Variants in MGAT4C observed in about 807,000 individuals in gnomAD.
The protein encoded by MGAT4C is MGAT4 family member C.
Under a neutral mutation model 40.1 loss-of-function variants are expected in MGAT4C, and 19 were observed. The ratio of observed to expected loss-of-function variants is 0.47; its 90% CI spans 0.33 to 0.70. The LOEUF is 0.70. Among genes scored for constraint, MGAT4C ranks in the 30% least tolerant of loss-of-function variants. The pLI, the probability that MGAT4C is intolerant of heterozygous loss-of-function variation, is 0.02. For synonymous variants in MGAT4C, 181 were observed against 187.1 expected (o/e 0.97, Z 0.27); for missense variants, 491 against 563.2 (o/e 0.87, Z 1.30).
chr12:86,042,897 A>G (rs1892014148), intron 2 of MGAT4C, among the ~76,000 whole-genome samples: 1 of 150,650 alleles, frequency 6.6e-6, no homozygotes, highest in Admixed American at 6.6e-5. Flanking sequence ...AAGAATGCTG[A>G]ATATAGGCCC....
chr12:86,379,672 A>C (rs544468540), intron 3 of MGAT4C, among the ~76,000 whole-genome samples: 31 of 152,254 alleles, frequency 2.0e-4, no homozygotes, highest in Non-Finnish European at 3.8e-4. Context: ...TCTATATAAA[A>C]CAATACTTTT....
intron 1 of MGAT4C, among the ~76,000 whole-genome samples, chr12:86,136,709 A>C (rs1232165642): frequency 3.3e-5 from 5 of 151,364 alleles, no homozygotes; most frequent in Non-Finnish European, 7.4e-5. Flanking sequence ...TTTTTTTGAG[A>C]TGGAGTTTTG....
chr12:86,487,746 C>A (rs1369499567), intron 2 of MGAT4C, among the ~76,000 whole-genome samples: 1 of 152,118 alleles, frequency 6.6e-6, no homozygotes, highest in Non-Finnish European at 1.5e-5. Flanking sequence ...CAATTTTATT[C>A]TAAATACTAT....
At chr12:86,601,759 G>C (rs1359546847) in intron 2 of MGAT4C, among the ~76,000 whole-genome samples, 1 of 152,128 alleles carries the variant, frequency 6.6e-6, no homozygotes, top group East Asian at 1.9e-4. Context: ...TGGTGGGGCC[G>C]GAGCGGGGCA....
chr12:86,376,812 G>GAC, intron 3 of MGAT4C, among the ~76,000 whole-genome samples: 1 of 75,684 alleles, frequency 1.3e-5, no homozygotes. Flanking sequence ...GACAGAGAGA[G>GAC]AGAGACAGAG....
intron 3 of MGAT4C, among the ~76,000 whole-genome samples, chr12:86,420,778 T>G (rs1312022279): frequency 1.4e-5 from 2 of 147,514 alleles, no homozygotes; most frequent in Non-Finnish European, 3.0e-5. Context: ...TTACCTGACA[T>G]ATATATATAT....
chr12:86,685,761 G>T (rs370070858), intron 2 of MGAT4C, among the ~76,000 whole-genome samples: 2 of 152,080 alleles, frequency 1.3e-5, no homozygotes, highest in South Asian at 4.1e-4. Context: ...CTTGTAAGTT[G>T]TATTCTTAGG....
At chr12:86,132,050 C>A (rs1881262923) in intron 1 of MGAT4C, among the ~76,000 whole-genome samples, 1 of 152,090 alleles carries the variant, frequency 6.6e-6, no homozygotes, top group African/African-American at 2.4e-5. Flanking sequence ...TTTAGTCTCT[C>A]TCTGGACAGC....
chr12:86,675,036 TA>T (rs569957489), intron 2 of MGAT4C, among the ~76,000 whole-genome samples: 5 of 152,308 alleles, frequency 3.3e-5, no homozygotes, highest in African/African-American at 7.2e-5. Flanking sequence ...TTTTTGTCCT[TA>T]AGTGAGAAAA....
intron 2 of MGAT4C, among the ~76,000 whole-genome samples, chr12:86,573,550 C>T (rs532510315): frequency 6.6e-6 from 1 of 151,968 alleles, no homozygotes; most frequent in African/African-American, 2.4e-5. Context: ...TTTTATTGTA[C>T]GTGTAGAACT....
At chr12:86,170,791 A>G (rs1214582901) in intron 1 of MGAT4C, among the ~76,000 whole-genome samples, 1 of 151,976 alleles carries the variant, frequency 6.6e-6, no homozygotes, top group Non-Finnish European at 1.5e-5. Flanking sequence ...CATCTCTACA[A>G]AAAATGGAAA....
chr12:86,368,146 A>C (rs1018771198), intron 3 of MGAT4C, among the ~76,000 whole-genome samples: 2 of 152,182 alleles, frequency 1.3e-5, no homozygotes, highest in African/African-American at 4.8e-5. Flanking sequence ...AAAATACTTA[A>C]AATATCTGGA....
chr12:86,466,902 T>A (rs1592882667), intron 2 of MGAT4C, among the ~76,000 whole-genome samples: 1 of 152,190 alleles, frequency 6.6e-6, no homozygotes. Flanking sequence ...ATCACATAAT[T>A]TCTATAAATT....
At chr12:86,499,228 T>C (rs945800876) in intron 2 of MGAT4C, among the ~76,000 whole-genome samples, 2 of 151,806 alleles carry the variant, frequency 1.3e-5, no homozygotes, top group Non-Finnish European at 2.9e-5. Flanking sequence ...TTTTGGACTG[T>C]ACAGAAGTTG....
intron 1 of MGAT4C, among the ~76,000 whole-genome samples, chr12:86,175,612 C>T (rs2135846668): frequency 6.6e-6 from 1 of 152,120 alleles, no homozygotes; most frequent in East Asian, 1.9e-4. Flanking sequence ...GTATACCAAA[C>T]ATTTTAGTGT....
intron 2 of MGAT4C, among the ~76,000 whole-genome samples, chr12:86,507,223 A>G (rs745642689): frequency 6.6e-6 from 1 of 152,178 alleles, no homozygotes; most frequent in Non-Finnish European, 1.5e-5. Flanking sequence ...AAAATACAGA[A>G]AAGATTTTAC....
At chr12:86,270,074 G>T (rs1952904003) in intron 4 of MGAT4C, among the ~76,000 whole-genome samples, 1 of 151,810 alleles carries the variant, frequency 6.6e-6, no homozygotes, top group South Asian at 2.1e-4. Flanking sequence ...GTTTTGTTTT[G>T]TTTTTCTTTT....
chr12:86,644,989 G>A (rs891667154), intron 2 of MGAT4C, among the ~76,000 whole-genome samples: 3 of 151,484 alleles, frequency 2.0e-5, no homozygotes, highest in Non-Finnish European at 3.0e-5. Flanking sequence ...GCATTCTTTT[G>A]TATGTTGTGC....
chr12:86,381,403 G>C (rs1955925992), intron 3 of MGAT4C, among the ~76,000 whole-genome samples: 1 of 152,198 alleles, frequency 6.6e-6, no homozygotes, highest in East Asian at 1.9e-4. Flanking sequence ...AAAGCCTTAC[G>C]ACCCGGGGAG....
Sources: allele counts gnomAD v4.1 joint callset (sites outside exome capture counted in the v4.1 genomes callset), GRCh38; gene constraint gnomAD v4.1.1; transcripts MANE v1.5; gene names NCBI Gene and HGNC (gene_info 2026-07-23, HGNC 2026-07-21).